Variants in DLC1 observed in about 807,000 individuals in gnomAD.
DLC1 encodes rho GTPase-activating protein 7.
DLC1 carries 54 observed loss-of-function variants against 140.3 expected under a neutral mutation model. The ratio of observed to expected loss-of-function variants is 0.38; its 90% CI spans 0.31 to 0.48. The LOEUF (loss-of-function observed/expected upper bound fraction) is 0.48, where lower values mean the gene tolerates loss of function less well. DLC1 is among the 20% of genes least tolerant of loss of function. The pLI is 0.96. For synonymous variants in DLC1, 986 were observed against 728.1 expected, an observed-to-expected ratio of 1.35 and a Z score of -5.70; for missense variants, 2,536 against 1,907.0, an observed-to-expected ratio of 1.33 and a Z score of -6.14.
intron 5 of DLC1, among the ~76,000 whole-genome samples, chr8:13,169,879 G>C (rs1478609973): frequency 4.6e-5 from 7 of 151,406 alleles, no homozygotes; most frequent in Non-Finnish European, 1.0e-4. Flanking sequence ...AGCCAGATGC[G>C]GTGGCTCATG....
chr8:13,432,473 A>G (rs1036476274), intron 2 of DLC1, among the ~76,000 whole-genome samples: 3 of 152,242 alleles, frequency 2.0e-5, no homozygotes, highest in Admixed American at 1.3e-4. Context: ...GTACAATATT[A>G]TAACTCATAT....
chr8:13,114,434 C>T (rs1032169192), intron 6 of DLC1, among the ~76,000 whole-genome samples: 4 of 152,096 alleles, frequency 2.6e-5, no homozygotes, highest in African/African-American at 4.8e-5. Context: ...CCCCAGGGTA[C>T]GCAGAAGCTG....
rs1563360952 is a variant in DLC1, at chr8:13,453,550, ATATATATTTTT to A, written c.1023+45488_1023+45498del. Among the ~76,000 whole-genome samples, 43 of 45,984 alleles carry A rather than the reference ATATATATTTTT, an allele frequency of 9.4e-4. 1 individual carries two copies. The highest frequency in any genetic ancestry group is 4.9e-3 in the African/African-American group (37 of 7,500). 30.2% of individuals were successfully genotyped at this position (45,984 alleles called of 152,430 possible). ...TATGTATATATATACATATATATATATATATATTTTTTTTTTTTTTTTTTCAGATAGAAATG... is the reference window on the plus strand; with the variant it reads ...TATGTATATATATACATATATATATATTTTTTTTTTTTTCAGATAGAAATG... On this transcript the variant is annotated intron_variant, in intron 2 of 17. Transcript: ENST00000276297.
At chr8:13,545,997 C>A (rs532008146) in intron 1 of DLC1, among the ~76,000 whole-genome samples, 1 of 152,000 alleles carries the variant, frequency 6.6e-6, no homozygotes, top group Non-Finnish European at 1.5e-5. Context: ...TTATTAGATA[C>A]GTGCGTTGGC....
chr8:13,395,571 T>C (rs4831422), intron 3 of DLC1, among the ~76,000 whole-genome samples: 38 of 152,140 alleles, frequency 2.5e-4, no homozygotes, highest in Admixed American at 9.8e-4. Flanking sequence ...ATGAAGAAAC[T>C]ACTAGACTGA....
chr8:13,324,666 C>G (rs566194704), intron 4 of DLC1, among the ~76,000 whole-genome samples: 6 of 151,830 alleles, frequency 4.0e-5, no homozygotes, highest in Middle Eastern at 3.5e-3. Flanking sequence ...TTCATAAGCT[C>G]AGCTTCCAAA....
chr8:13,381,713 G>T, intron 4 of DLC1, among the ~76,000 whole-genome samples: 1 of 152,112 alleles, frequency 6.6e-6, no homozygotes, highest in East Asian at 1.9e-4. Flanking sequence ...CCTCATGAGA[G>T]ACCCTGTCCT....
At chr8:13,146,895 C>A (rs923392634) in intron 5 of DLC1, among the ~76,000 whole-genome samples, 1 of 152,172 alleles carries the variant, frequency 6.6e-6, no homozygotes, top group East Asian at 1.9e-4. Context: ...GCTTTGACAT[C>A]TGCATGGCAT....
intron 1 of DLC1, among the ~76,000 whole-genome samples, chr8:13,527,865 A>G (rs187146040): frequency 6.6e-6 from 1 of 152,150 alleles, no homozygotes; most frequent in Non-Finnish European, 1.5e-5. Context: ...AAGCAAACTT[A>G]TATTTTCTTG....
intron 4 of DLC1, among the ~76,000 whole-genome samples, chr8:13,380,248 T>C (rs1328181111): frequency 6.6e-6 from 1 of 152,236 alleles, no homozygotes; most frequent in East Asian, 1.9e-4. Context: ...AACACTTATA[T>C]GTTATTCTCC....
At chr8:13,438,096 C>G (rs954882132) in intron 2 of DLC1, among the ~76,000 whole-genome samples, 3 of 149,808 alleles carry the variant, frequency 2.0e-5, no homozygotes, top group Admixed American at 2.0e-4. Flanking sequence ...ATACTTTTCT[C>G]TAAAGCAATG....
chr8:13,237,278 TA>T (rs1829329612), intron 5 of DLC1, among the ~76,000 whole-genome samples: 2 of 133,992 alleles, frequency 1.5e-5, no homozygotes, highest in African/African-American at 3.2e-5. Context: ...TATAGGTGTA[TA>T]TATATATATA....
intron 1 of DLC1, among the ~76,000 whole-genome samples, chr8:13,573,747 T>C (rs1385028415): frequency 6.6e-6 from 1 of 152,206 alleles, no homozygotes. Flanking sequence ...TTTGTGCTCA[T>C]AACCTCACCT....
intron 2 of DLC1, among the ~76,000 whole-genome samples, chr8:13,468,265 C>T (rs7832786): frequency 0.97 from 146,302 of 151,408 alleles, 70,893 homozygotes; most frequent in East Asian, 1. Context: ...TATTCTCTTA[C>T]CTTCTTAATC....
At chr8:13,126,412 T>C (rs1821575145) in intron 5 of DLC1, among the ~76,000 whole-genome samples, 1 of 143,096 alleles carries the variant, frequency 7.0e-6, no homozygotes, top group African/African-American at 2.6e-5. Flanking sequence ...TGTACGTATT[T>C]CTAGTATTCC....
At position 13,133,175 on chromosome 8, in the gene DLC1, G is replaced by A. The variant is rs1425948298; in HGVS notation, c.1349-17518C>T. On this transcript the variant is annotated intron_variant, in intron 5 of 17. Transcript: ENST00000276297. ...GGGGTTTTCTAAAGATCGAAACGAGGGAGCGCTCAGGGAGTTGGGCGAGAA... is the reference window on the plus strand; with the variant it reads ...GGGGTTTTCTAAAGATCGAAACGAGAGAGCGCTCAGGGAGTTGGGCGAGAA... 4 of 1,435,478 alleles carry A rather than the reference G, an allele frequency of 2.8e-6. No homozygotes were observed. The East Asian group carries it at 7.6e-5, about 27-fold the overall frequency. The allele number at this position is 1,435,478 out of a possible 1,614,324, so 88.9% of individuals were successfully genotyped here.
chr8:13,086,831 C>G (rs1429060562), intron 16 of DLC1, among the ~76,000 whole-genome samples: 1 of 152,022 alleles, frequency 6.6e-6, no homozygotes, highest in Non-Finnish European at 1.5e-5. Flanking sequence ...CAAGACCAGC[C>G]TGGACAACAT....
intron 4 of DLC1, among the ~76,000 whole-genome samples, chr8:13,312,360 C>CAA (rs777597726): frequency 3.0e-4 from 2 of 6,636 alleles, no homozygotes; most frequent in African/African-American, 8.5e-4. Flanking sequence ...GACTCCGTCT[C>CAA]AAAAAAAAAA....
chr8:13,329,581 TC>T (rs1342309270), intron 4 of DLC1, among the ~76,000 whole-genome samples: 1 of 152,218 alleles, frequency 6.6e-6, no homozygotes, highest in African/African-American at 2.4e-5. Flanking sequence ...TTGACTTTTT[TC>T]TACTAAATTT....
Sources: gnomAD v4.1 joint callset for allele counts (sites outside exome capture counted in the v4.1 genomes callset) on GRCh38, gnomAD v4.1.1 for gene constraint, MANE v1.5 for transcripts, NCBI Gene and HGNC (gene_info 2026-07-23, HGNC 2026-07-21) for gene names.